HSPBAP1: variants seen among roughly 807,000 people sequenced by gnomAD.
HSPBAP1 encodes the protein HSPB1 associated protein 1.
Under a neutral mutation model 45.2 loss-of-function variants are expected in HSPBAP1, and 27 were observed. The observed-to-expected ratio is 0.60, with a 90% confidence interval of 0.44 to 0.82. The LOEUF is 0.82. HSPBAP1 is among the 40% of genes least tolerant of loss of function. The pLI, the probability that HSPBAP1 is intolerant of heterozygous loss-of-function variation, is 0.00. For synonymous variants in HSPBAP1, 204 were observed against 202.7 expected, an observed-to-expected ratio of 1.01 and a Z score of -0.06; for missense variants, 510 against 590.9, an observed-to-expected ratio of 0.86 and a Z score of 1.42.
intron 1 of HSPBAP1, among the ~76,000 whole-genome samples, chr3:122,784,240 A>C (rs551835372): frequency 6.6e-6 from 1 of 152,346 alleles, no homozygotes; most frequent in East Asian, 1.9e-4. Flanking sequence ...GATAAATAGT[A>C]TTCTGTTTTT....
chr3:122,762,384 C>A (rs1024331490), intron 3 of HSPBAP1, among the ~76,000 whole-genome samples: 1 of 151,998 alleles, frequency 6.6e-6, no homozygotes, highest in East Asian at 1.9e-4. Context: ...AAACTGAACC[C>A]CAGATACAGT....
At chr3:122,785,442 T>C (rs73856713) in intron 1 of HSPBAP1, among the ~76,000 whole-genome samples, 6,417 of 152,238 alleles carry the variant, frequency 0.042, 442 homozygotes, top group African/African-American at 0.14. Context: ...CCAGCCAACC[T>C]CCAGGTGGTA....
At chr3:122,746,701 G>C (rs988136620) in intron 6 of HSPBAP1, among the ~76,000 whole-genome samples, 9 of 151,338 alleles carry the variant, frequency 5.9e-5, no homozygotes, top group African/African-American at 1.9e-4. Flanking sequence ...CTCTGATGCC[G>C]AGCCGAAGCT....
intron 6 of HSPBAP1, chr3:122,741,804 T>C (rs1284727998): frequency 6.6e-6 from 1 of 152,236 alleles, no homozygotes. Flanking sequence ...AATAAACATA[T>C]GAAGATATGT....
intron 4 of HSPBAP1, among the ~76,000 whole-genome samples, chr3:122,757,153 C>T (rs769880455): frequency 1.3e-5 from 2 of 152,196 alleles, no homozygotes; most frequent in African/African-American, 2.4e-5. Flanking sequence ...ATGCATGAAT[C>T]CTTCTATTAG....
At chr3:122,780,763 C>T (rs1469359491) in intron 1 of HSPBAP1, among the ~76,000 whole-genome samples, 5 of 145,092 alleles carry the variant, frequency 3.4e-5, no homozygotes, top group East Asian at 2.2e-4. Context: ...TCAGACGGGG[C>T]GGCTGCCGGG....
At chr3:122,754,906 A>G (rs768672926) in intron 5 of HSPBAP1, 7 of 1,005,150 alleles carry the variant, frequency 7.0e-6, no homozygotes, top group Non-Finnish European at 8.3e-6. Context: ...TTGAACAGAT[A>G]CTAACTGTGA....
At chr3:122,776,551 G>A (rs1935199072) in intron 2 of HSPBAP1, among the ~76,000 whole-genome samples, 1 of 152,194 alleles carries the variant, frequency 6.6e-6, no homozygotes, top group African/African-American at 2.4e-5. Flanking sequence ...TGTGTACTTG[G>A]AGTCTAACTA....
chr3:122,762,792 T>C (rs1017841005), intron 3 of HSPBAP1, among the ~76,000 whole-genome samples: 1 of 152,238 alleles, frequency 6.6e-6, no homozygotes, highest in African/African-American at 2.4e-5. Context: ...GCCCAGAATA[T>C]AATCAATCTT....
intron 4 of HSPBAP1, among the ~76,000 whole-genome samples, chr3:122,758,137 G>A (rs1934425341): frequency 6.6e-6 from 1 of 152,180 alleles, no homozygotes; most frequent in Non-Finnish European, 1.5e-5. Flanking sequence ...TAATAGGTCT[G>A]AGAACTTGCA....
intron 3 of HSPBAP1, among the ~76,000 whole-genome samples, chr3:122,762,806 A>G (rs1417920631): frequency 6.6e-6 from 1 of 152,246 alleles, no homozygotes; most frequent in Non-Finnish European, 1.5e-5. Flanking sequence ...CAATCTTGAT[A>G]AAGATTCCAT....
intron 1 of HSPBAP1, 37 bp downstream of exon 1, chr3:122,793,580 G>A (rs1484935518): frequency 3.1e-6 from 5 of 1,602,394 alleles, no homozygotes; most frequent in African/African-American, 1.3e-5. Flanking sequence ...CTGGCATTGG[G>A]TTTGTACTCA....
rs904994788 is a variant in HSPBAP1 at position 122,740,559 on chromosome 3, A to G, written c.1253T>C (p.Val418Ala). The G allele has an allele frequency of 1.2e-6, 2 of 1,614,162 alleles. No individual in the cohort carries two copies. The highest frequency in any genetic ancestry group is 1.7e-6 in the Non-Finnish European group (2 of 1,180,022). The change falls in exon 8 of 8, where the codon GTG (valine) becomes GCG (alanine). Residue 418 changes from valine (V) to alanine (A), a missense_variant. Transcript: ENST00000306103. ...GIFGSDGKDF[V>A]DKDGEHFGKL... ...TCCAAAGTGTTCTCCATCCTTGTCC[A>G]CAAAGTCTTTCCCATCACTTCCAAA...
At chr3:122,747,703 A>G (rs1294374114) in intron 6 of HSPBAP1, among the ~76,000 whole-genome samples, 1 of 128,894 alleles carries the variant, frequency 7.8e-6, no homozygotes. Context: ...AGCCGCCCCT[A>G]CTGGGAAGTG....
chr3:122,779,775 T>G (rs1935343359), intron 1 of HSPBAP1, among the ~76,000 whole-genome samples: 1 of 151,688 alleles, frequency 6.6e-6, no homozygotes, highest in Admixed American at 6.6e-5. Context: ...CTTAATCCAT[T>G]TAACCCTGAG....
intron 1 of HSPBAP1, among the ~76,000 whole-genome samples, chr3:122,780,481 G>A (rs1410637642): frequency 5.1e-5 from 6 of 118,732 alleles, no homozygotes; most frequent in South Asian, 2.6e-4. Flanking sequence ...CTCACCTCCC[G>A]GACGGGGCAG....
intron 1 of HSPBAP1, among the ~76,000 whole-genome samples, chr3:122,786,822 G>C (rs1935675134): frequency 6.6e-6 from 1 of 152,186 alleles, no homozygotes; most frequent in South Asian, 2.1e-4. Flanking sequence ...GGCCCATCGT[G>C]AAATAAAACA....
intron 3 of HSPBAP1, among the ~76,000 whole-genome samples, chr3:122,763,635 G>C (rs1240755976): frequency 6.6e-6 from 1 of 151,820 alleles, no homozygotes; most frequent in Non-Finnish European, 1.5e-5. Context: ...CCTCTGAAAG[G>C]GTGTCAGGGA....
chr3:122,747,693 A>G (rs369138618), intron 6 of HSPBAP1, among the ~76,000 whole-genome samples: 60 of 102,428 alleles, frequency 5.9e-4, no homozygotes, highest in Non-Finnish European at 6.7e-4. Flanking sequence ...GCCTCTGCCC[A>G]GCCGCCCCTA....
Sources: allele counts gnomAD v4.1 joint callset (sites outside exome capture counted in the v4.1 genomes callset), GRCh38; gene constraint gnomAD v4.1.1; transcripts MANE v1.5; gene names NCBI Gene and HGNC (gene_info 2026-07-23, HGNC 2026-07-21).